Variants in LRPPRC observed in about 807,000 individuals in gnomAD.
LRPPRC encodes the protein leucine rich pentatricopeptide repeat containing, also known as leucine-rich PPR motif-containing protein, mitochondrial.
In LRPPRC, 120 loss-of-function variants were observed where a neutral mutation model predicts 180.3. The observed-to-expected ratio is 0.67, with a 90% CI of 0.57 to 0.77. LRPPRC has a LOEUF of 0.77. Ranked by LOEUF, LRPPRC falls within the 30% of genes least tolerant of loss-of-function variation. The pLI is 0.00. For missense variants in LRPPRC, 2,012 were observed against 1,657.2 expected, an observed-to-expected ratio of 1.21 and a Z score of -3.72; for synonymous variants, 723 against 600.0, an observed-to-expected ratio of 1.21 and a Z score of -3.00.
intron 27 of LRPPRC, among the ~76,000 whole-genome samples, chr2:43,921,967 T>C (rs953441774): frequency 6.6e-6 from 1 of 152,220 alleles, no homozygotes; most frequent in Non-Finnish European, 1.5e-5. Flanking sequence ...AAGAAACTAA[T>C]TTCTACTTTC....
chr2:43,991,875 C>T (rs1374694335), intron 1 of LRPPRC, among the ~76,000 whole-genome samples: 1 of 152,206 alleles, frequency 6.6e-6, no homozygotes, highest in Non-Finnish European at 1.5e-5. Context: ...AGACACACTG[C>T]ACTGCATGGG....
At chr2:43,959,284 C>G (rs973168646) in intron 13 of LRPPRC, 1 of 698,394 alleles carries the variant, frequency 1.4e-6, no homozygotes, top group Non-Finnish European at 2.6e-6. Flanking sequence ...CAATAATACT[C>G]AATATTTGAC....
At chr2:43,935,635 T>C (rs550813902) in intron 23 of LRPPRC, among the ~76,000 whole-genome samples, 2 of 151,412 alleles carry the variant, frequency 1.3e-5, no homozygotes, top group South Asian at 4.2e-4. Flanking sequence ...AGTGTGGTAC[T>C]ATATTCTTGT....
chr2:43,941,727 T>C (rs1392967362), intron 23 of LRPPRC, among the ~76,000 whole-genome samples: 1 of 151,892 alleles, frequency 6.6e-6, no homozygotes, highest in Non-Finnish European at 1.5e-5. Context: ...ATATAAAATT[T>C]CCTTTATCTT....
chr2:43,960,231 A>T (rs1239046983), intron 13 of LRPPRC, among the ~76,000 whole-genome samples: 2 of 152,206 alleles, frequency 1.3e-5, no homozygotes, highest in African/African-American at 4.8e-5. Context: ...GTAAAAGTGA[A>T]GCAGAGAGGT....
At position 43,899,479 on chromosome 2, in the gene LRPPRC, T is replaced by C. The variant is rs2104989761; in HGVS notation, c.3696A>G (p.Pro1232=). Residue 1232 remains proline (P), a synonymous_variant, in exon 33 of 38, where the codon CCA becomes CCG. Transcript: ENST00000260665. ...FRKVIEEQLE[P]AVEKISIMAE... is the part of the protein sequence containing the mutation. ...CAACTAACTTACTCTTTTCAACTGC[T>C]GGTTCCAACTGCTCCTCTATTACTT... 3 of 1,614,200 alleles carry C rather than the reference T, an allele frequency of 1.9e-6. No homozygotes were observed. The highest frequency in any genetic ancestry group is 2.5e-6 in the Non-Finnish European group (3 of 1,180,018).
intron 29 of LRPPRC, 120 bp downstream of exon 29, chr2:43,917,905 G>A (rs930134979): frequency 1.9e-5 from 13 of 689,704 alleles, no homozygotes; most frequent in Non-Finnish European, 3.0e-5. Context: ...CAAGAAATAT[G>A]TAAAATTTAA....
chr2:43,928,176 T>C (rs1250127738), intron 25 of LRPPRC, among the ~76,000 whole-genome samples: 1 of 152,222 alleles, frequency 6.6e-6, no homozygotes, highest in Non-Finnish European at 1.5e-5. Context: ...AAACCACAAC[T>C]TTCTGCAGTT....
At chr2:43,993,157 A>C (rs1674862023) in intron 1 of LRPPRC, among the ~76,000 whole-genome samples, 2 of 152,208 alleles carry the variant, frequency 1.3e-5, no homozygotes, top group South Asian at 4.1e-4. Flanking sequence ...GTCAAGGCCT[A>C]AAAAGTGGAT....
At chr2:43,962,108 AT>A (rs1673371812) in intron 12 of LRPPRC, among the ~76,000 whole-genome samples, 2 of 152,316 alleles carry the variant, frequency 1.3e-5, no homozygotes, top group South Asian at 2.1e-4. Flanking sequence ...ATGTAACCAA[AT>A]TTGGGATAAG....
In LRPPRC at chr2:43,957,365, A is replaced by G. The variant is rs144497261; in HGVS notation, c.1649+20T>C. On this transcript the variant is annotated intron_variant, in intron 14 of 37. Coordinates refer to ENST00000260665, the MANE Select transcript of LRPPRC (RefSeq NM_133259.4). ...ATCAGTCCATGTTCAGGCAAGGAACATTTAAGTTGATCATCTTACCTCCTG... is the reference window on the plus strand; with the variant it reads ...ATCAGTCCATGTTCAGGCAAGGAACGTTTAAGTTGATCATCTTACCTCCTG... The G allele has an allele frequency of 8.0e-5, 127 of 1,579,462 alleles. No individual in the cohort carries two copies. In the African/African-American group the frequency reaches 1.5e-3, roughly 18 times the overall value.
chr2:43,947,252 G>A lies in LRPPRC; in HGVS notation c.2079+5C>T. On this transcript the variant is annotated splice_donor_5th_base_variant and intron_variant, in intron 20 of 37. Transcript: ENST00000260665. ...ATAATATTTAAATATTAAAACAAAT[G>A]TTACCTCTTCTGAACAAAGCACTAA... 1 of 1,423,760 alleles carries A rather than the reference G, an allele frequency of 7.0e-7. No individual in the cohort carries two copies. The highest frequency in any genetic ancestry group is 9.8e-7 in the Non-Finnish European group (1 of 1,017,346). 88.2% of individuals were successfully genotyped at this position (1,423,760 alleles called of 1,614,324 possible). A position where few individuals can be genotyped will look rare whatever the true frequency, so the allele number is the denominator to read the frequency against.
intron 1 of LRPPRC, among the ~76,000 whole-genome samples, chr2:43,985,417 T>C (rs954115199): frequency 7.9e-5 from 12 of 152,358 alleles, no homozygotes; most frequent in African/African-American, 2.9e-4. Context: ...ACATATGACA[T>C]GTATCCACCT....
intron 22 of LRPPRC, 77 bp downstream of exon 22, chr2:43,945,255 C>T (rs1392670955): frequency 2.1e-6 from 2 of 961,980 alleles, no homozygotes. Flanking sequence ...GACATGATAT[C>T]CATTAATATC....
intron 20 of LRPPRC, 131 bp from the exon 21 acceptor site, chr2:43,946,374 C>T (rs1193731311): frequency 4.3e-6 from 3 of 696,826 alleles, no homozygotes; most frequent in Non-Finnish European, 5.1e-6. Flanking sequence ...ATGTTAACAA[C>T]CTGACTCTGC....
At chr2:43,909,644 A>C (rs1293760598) in intron 30 of LRPPRC, among the ~76,000 whole-genome samples, 1 of 132,992 alleles carries the variant, frequency 7.5e-6, no homozygotes, top group African/African-American at 2.9e-5. Flanking sequence ...AATAATAATA[A>C]TAATATTGAG....
At chr2:43,925,556 C>T (rs893000831) in intron 26 of LRPPRC, among the ~76,000 whole-genome samples, 1 of 152,114 alleles carries the variant, frequency 6.6e-6, no homozygotes, top group African/African-American at 2.4e-5. Flanking sequence ...CAGGTACCTG[C>T]ACCAGAGGAG....
At chr2:43,910,965 A>T (rs1354666598) in intron 30 of LRPPRC, among the ~76,000 whole-genome samples, 1 of 151,974 alleles carries the variant, frequency 6.6e-6, no homozygotes, top group Non-Finnish European at 1.5e-5. Flanking sequence ...TCAACACAAA[A>T]TGCTTCTCTT....
chr2:43,958,836 C>T (rs1673225633), intron 13 of LRPPRC: 1 of 196,938 alleles, frequency 5.1e-6, no homozygotes, highest in South Asian at 1.4e-4. Flanking sequence ...AACCGCTCTT[C>T]AAAGACTTGT....
Sources: gnomAD v4.1 joint callset for allele counts (sites outside exome capture counted in the v4.1 genomes callset) on GRCh38, gnomAD v4.1.1 for gene constraint, MANE v1.5 for transcripts, NCBI Gene and HGNC (gene_info 2026-07-23, HGNC 2026-07-21) for gene names.